Variants in SLC9A3 observed in about 807,000 individuals in gnomAD.
SLC9A3 encodes the protein solute carrier family 9 member A3.
In SLC9A3, 37 loss-of-function variants were observed where a neutral mutation model predicts 86.8. The ratio of observed to expected loss-of-function variants is 0.43; its 90% CI spans 0.33 to 0.56. The LOEUF is 0.56. SLC9A3 is among the 20% of genes least tolerant of loss of function. The pLI, the probability that SLC9A3 is intolerant of heterozygous loss-of-function variation, is 0.06. For synonymous variants in SLC9A3, 581 were observed against 528.3 expected (o/e 1.10, Z -1.37); for missense variants, 1,011 against 1,171.9 (o/e 0.86, Z 2.00).
intron 3 of SLC9A3, 75 bp from the exon 4 acceptor site, chr5:485,306 G>A (rs1579784014): frequency 2.4e-6 from 3 of 1,237,038 alleles, no homozygotes; most frequent in African/African-American, 1.5e-5. Flanking sequence ...GGGCCTCGCT[G>A]GACTTGGCCC....
At position 472,940 on chromosome 5, in the gene SLC9A3, C is replaced by T; in HGVS notation, c.*439G>A. The T allele has an allele frequency of 1.9e-6, 1 of 531,078 alleles. No individual in the cohort carries two copies. The highest frequency in any genetic ancestry group is 3.6e-5 in the East Asian group (1 of 27,526). 32.9% of individuals were successfully genotyped at this position (531,078 alleles called of 1,614,324 possible). ...AGGGCGCGAGCGGCCAGCCATGGCGCGCGGACCCTTCCCGCCGGCGGCGTC... is the reference window on the plus strand; with the variant it reads ...AGGGCGCGAGCGGCCAGCCATGGCGTGCGGACCCTTCCCGCCGGCGGCGTC... On this transcript the variant is annotated 3_prime_UTR_variant, in exon 17 of 17. Transcript: ENST00000264938.
chr5:489,831 G>A (rs971501766), intron 2 of SLC9A3, among the ~76,000 whole-genome samples: 21 of 152,310 alleles, frequency 1.4e-4, no homozygotes, highest in African/African-American at 4.3e-4. Flanking sequence ...CAGCCTTCCC[G>A]TCTGGACAGT....
chr5:518,749 G>A (rs978505225), intron 1 of SLC9A3, among the ~76,000 whole-genome samples: 3 of 152,148 alleles, frequency 2.0e-5, no homozygotes, highest in Admixed American at 2.0e-4. Context: ...CTGGAGCTTG[G>A]GCCCAGACAG....
intron 1 of SLC9A3, among the ~76,000 whole-genome samples, chr5:500,087 C>T (rs765612640): frequency 2.0e-5 from 3 of 152,272 alleles, no homozygotes; most frequent in Non-Finnish European, 4.4e-5. Flanking sequence ...TCAGGTCCAC[C>T]GCACTGACTG....
intron 2 of SLC9A3, among the ~76,000 whole-genome samples, chr5:490,533 G>A (rs116886457): frequency 5.9e-5 from 9 of 152,328 alleles, no homozygotes; most frequent in East Asian, 5.8e-4. Flanking sequence ...ACAGAGCCAC[G>A]GAGTGTGCCC....
intron 1 of SLC9A3, among the ~76,000 whole-genome samples, chr5:510,493 G>A (rs546923146): frequency 7.7e-4 from 118 of 152,336 alleles, no homozygotes; most frequent in Non-Finnish European, 1.4e-3. Flanking sequence ...AAGGTGGGCA[G>A]GGGCTGCTGT....
intron 7 of SLC9A3, 44 bp downstream of exon 7, chr5:482,504 G>A (rs777124106): frequency 2.2e-5 from 33 of 1,518,026 alleles, no homozygotes; most frequent in Admixed American, 5.3e-5. Context: ...GGCTCCCCTC[G>A]CGGGCGGGGC....
intron 1 of SLC9A3, among the ~76,000 whole-genome samples, chr5:500,642 G>A (rs1740223567): frequency 8.4e-6 from 1 of 119,662 alleles, no homozygotes; most frequent in South Asian, 3.1e-4. Flanking sequence ...GATGGGGCTG[G>A]TGTGGACATG....
chr5:474,237 C>A, intron 16 of SLC9A3, among the ~76,000 whole-genome samples: 1 of 34,786 alleles, frequency 2.9e-5, no homozygotes. Flanking sequence ...AGAGACAGCG[C>A]GCGCGAGGCG....
chr5:472,050 A>G lies in SLC9A3; in HGVS notation c.*1329T>C. 4.4e-6 allele frequency: 2 copies of G among 454,700 alleles called. No homozygotes were observed. Among genetic ancestry groups the G allele is most frequent in the South Asian group, 3.1e-5 (2 of 64,424 alleles). 28.2% of individuals were successfully genotyped at this position (454,700 alleles called of 1,614,324 possible). On this transcript the variant is annotated 3_prime_UTR_variant, in exon 17 of 17. Coordinates refer to ENST00000264938, the MANE Select transcript of SLC9A3 (RefSeq NM_004174.4). ...GCCCCTAGGAGTGTCCACCTCCACCACTTCCACCGTGCAGGCAGGTTTCAG... is the reference window on the plus strand; with the variant it reads ...GCCCCTAGGAGTGTCCACCTCCACCGCTTCCACCGTGCAGGCAGGTTTCAG...
Position 471,796 on chromosome 5 carries a change from T to C in SLC9A3, c.*1583A>G, listed in dbSNP as rs1267081240. 1 of 456,460 alleles carries C rather than the reference T, an allele frequency of 2.2e-6. No individual in the cohort carries two copies. The highest frequency in any genetic ancestry group is 4.4e-6 in the Non-Finnish European group (1 of 226,952). 28.3% of individuals were successfully genotyped at this position (456,460 alleles called of 1,614,324 possible). ...GAGAGCTTCTCCGAAGCAGCGGTCA[T>C]GCAGGCTTTTGTGTGGCTGACGCTT... On this transcript the variant is annotated 3_prime_UTR_variant, in exon 17 of 17. Coordinates refer to ENST00000264938, the MANE Select transcript of SLC9A3 (RefSeq NM_004174.4).
Position 476,367 on chromosome 5 carries a change from C to T in SLC9A3, c.1902G>A (p.Leu634=), listed in dbSNP as rs1738736234. ...TGGGCGTGAGCTCGTGTCGGCTGTA[C>T]AGATGCTTGTACTGCGGGATCAGGC... ...LYKPRQEYKH[L]YSRHELTPTE... is the part of the protein sequence containing the mutation. The change falls in exon 13 of 17, where the codon CTG becomes CTA. Residue 634 remains leucine, a synonymous_variant. Transcript: ENST00000264938. 6.2e-7 allele frequency: 1 copy of T among 1,613,794 alleles called. No individual in the cohort carries two copies. Among genetic ancestry groups the T allele is most frequent in the Non-Finnish European group, 8.5e-7 (1 of 1,180,004 alleles).
In SLC9A3 at chr5:483,344, C is replaced by T. The variant is rs373525344; in HGVS notation, c.1071G>A (p.Ser357=). 23 of 1,567,488 alleles carry T rather than the reference C, an allele frequency of 1.5e-5. No homozygotes were observed. Among genetic ancestry groups the T allele is most frequent in the East Asian group, 7.2e-5 (3 of 41,852 alleles). Residue 357 remains serine, a synonymous_variant, in exon 6 of 17, where the codon TCG becomes TCA. Coordinates refer to ENST00000264938, the MANE Select transcript of SLC9A3 (RefSeq NM_004174.4). ...AGGTCCAGATGAACGGGTTCACGGC[C>T]GAGATACCCAGGAACATGAAGATGA... The part of the protein sequence containing the change: ...ETIIFMFLGI[S]AVNPFIWTWN...
At chr5:492,986 C>G (rs555551383) in intron 1 of SLC9A3, among the ~76,000 whole-genome samples, 1 of 152,220 alleles carries the variant, frequency 6.6e-6, no homozygotes, top group Non-Finnish European at 1.5e-5. Flanking sequence ...GGGGACCCCC[C>G]GTGGAGCTTC....
Position 474,583 on chromosome 5 carries a change from G to T in SLC9A3, c.2501+300C>A, listed in dbSNP as rs571489986. On this transcript the variant is annotated intron_variant, in intron 16 of 16. Coordinates refer to ENST00000264938, the MANE Select transcript of SLC9A3 (RefSeq NM_004174.4). ...CTGGAGGGAGAGGAGCTGCGGAGAG[G>T]GGTTAGGCGGGGAGGGAGAGAGCCA... Among the ~76,000 whole-genome samples, 140 of 63,194 alleles carry T rather than the reference G, an allele frequency of 2.2e-3. 6 individuals carry two copies. The highest frequency in any genetic ancestry group is 3.2e-3 in the Admixed American group (25 of 7,790). The allele number at this position is 63,194 out of a possible 152,430, so 41.5% of individuals were successfully genotyped here. A position where few individuals can be genotyped will look rare whatever the true frequency, so the allele number is the denominator to read the frequency against.
In SLC9A3 at chr5:470,680, TAC is replaced by T. The variant is rs1422543816; in HGVS notation, c.*2697_*2698del. On this transcript the variant is annotated 3_prime_UTR_variant, in exon 17 of 17. Transcript: ENST00000264938. Reference sequence around the variant, plus strand: ...TAATATTATAGCTGCAAAATTAACATACACAATTTTCACTCATAATTTAAAAT... The same window carrying T: ...TAATATTATAGCTGCAAAATTAACATACAATTTTCACTCATAATTTAAAAT... The T allele has an allele frequency of 6.6e-6, 1 of 152,310 alleles. No individual in the cohort carries two copies. The highest frequency in any genetic ancestry group is 2.4e-5 in the African/African-American group (1 of 41,458). 9.4% of individuals were successfully genotyped at this position (152,310 alleles called of 1,614,324 possible). A position where few individuals can be genotyped will look rare whatever the true frequency, so the allele number is the denominator to read the frequency against.
intron 1 of SLC9A3, among the ~76,000 whole-genome samples, chr5:523,402 C>G (rs1325803374): frequency 6.6e-6 from 1 of 151,960 alleles, no homozygotes; most frequent in African/African-American, 2.4e-5. Context: ...GCCCCCTAAT[C>G]CCCCCTCCAC....
intron 1 of SLC9A3, among the ~76,000 whole-genome samples, chr5:501,306 G>A (rs1202995483): frequency 6.6e-6 from 1 of 152,168 alleles, no homozygotes; most frequent in East Asian, 1.9e-4. Flanking sequence ...CACCTCCAAG[G>A]ACCTTTCAAG....
intron 1 of SLC9A3, among the ~76,000 whole-genome samples, chr5:501,489 C>T (rs1740276033): frequency 6.6e-6 from 1 of 152,200 alleles, no homozygotes; most frequent in South Asian, 2.1e-4. Context: ...ACCCACCCTC[C>T]CGGGGGACGA....
Sources: gnomAD v4.1 joint callset for allele counts (sites outside exome capture counted in the v4.1 genomes callset) on GRCh38, gnomAD v4.1.1 for gene constraint, MANE v1.5 for transcripts, NCBI Gene and HGNC (gene_info 2026-07-23, HGNC 2026-07-21) for gene names.